Variants in AUTS2 observed in about 807,000 individuals in gnomAD.
AUTS2 encodes the protein activator of transcription and developmental regulator AUTS2.
AUTS2 carries 17 observed loss-of-function variants against 112.4 expected under a neutral mutation model. That is an observed-to-expected ratio of 0.15 (90% CI 0.10 to 0.23). The LOEUF (loss-of-function observed/expected upper bound fraction) is 0.23. AUTS2 is among the 10% of genes least tolerant of loss of function. The pLI is 1.00. For missense variants in AUTS2, 1,510 were observed against 1,701.6 expected, an observed-to-expected ratio of 0.89 and a Z score of 1.98; for synonymous variants, 751 against 702.7, an observed-to-expected ratio of 1.07 and a Z score of -1.09.
At chr7:69,960,773 G>A (rs144191883) in intron 2 of AUTS2, among the ~76,000 whole-genome samples, 57 of 152,070 alleles carry the variant, frequency 3.7e-4, no homozygotes, top group Admixed American at 1.2e-3. Context: ...GTCCCTTTCC[G>A]TGGACCTAAT....
chr7:70,269,821 G>A (rs1485530617), intron 4 of AUTS2, among the ~76,000 whole-genome samples: 3 of 152,090 alleles, frequency 2.0e-5, no homozygotes, highest in African/African-American at 4.8e-5. Flanking sequence ...TAATGTTTGA[G>A]CCCTACTATT....
intron 4 of AUTS2, among the ~76,000 whole-genome samples, chr7:70,284,942 A>C (rs1202788971): frequency 6.6e-6 from 1 of 152,234 alleles, no homozygotes; most frequent in Non-Finnish European, 1.5e-5. Context: ...AGAGAGGTCA[A>C]AAAAGGGCCC....
chr7:70,556,140 G>A (rs1301867700), intron 5 of AUTS2, among the ~76,000 whole-genome samples: 1 of 152,122 alleles, frequency 6.6e-6, no homozygotes, highest in Non-Finnish European at 1.5e-5. Flanking sequence ...GGCAAAGCGG[G>A]GGTAGGCACA....
At chr7:70,281,488 T>C (rs1452263239) in intron 4 of AUTS2, among the ~76,000 whole-genome samples, 1 of 152,186 alleles carries the variant, frequency 6.6e-6, no homozygotes, top group African/African-American at 2.4e-5. Context: ...TTCTTTGTAG[T>C]TAAAGTGATA....
intron 4 of AUTS2, among the ~76,000 whole-genome samples, chr7:70,420,433 G>A (rs377712499): frequency 2.6e-5 from 4 of 152,130 alleles, no homozygotes; most frequent in East Asian, 3.9e-4. Context: ...CATCCATACT[G>A]ATGTCTTAAT....
chr7:69,777,311 T>C (rs2129307757), intron 1 of AUTS2, among the ~76,000 whole-genome samples: 1 of 151,614 alleles, frequency 6.6e-6, no homozygotes, highest in African/African-American at 2.4e-5. Context: ...TCTTAAATAC[T>C]TAGCTTTTCT....
In AUTS2 at chr7:70,790,473, G is replaced by A. The variant is rs1585702636; in HGVS notation, c.3257G>A (p.Arg1086Gln). The change falls in exon 19 of 19, where the codon CGG becomes CAG. Residue 1086 changes from arginine to glutamine, a missense_variant. Arg to Gln is a conservative substitution (Grantham distance 43). Around this residue, in one of 3 missense-constraint regions of AUTS2, gnomAD observed 788 missense variants for 797.6 expected, o/e 0.99. Transcript: ENST00000342771. The surrounding 1 kb of genome is among the most constrained non-coding windows in gnomAD (Gnocchi z 7.6). ...RDPYRELDIH[R>Q]RDPLGRDFLL... is the part of the protein sequence containing the mutation. ...CCTTACCGAGAACTTGACATTCACC[G>A]GAGAGACCCGCTGGGCAGGGACTTC... is the stretch of plus-strand genomic sequence containing the variant. 5 of 1,612,306 alleles carry A rather than the reference G, an allele frequency of 3.1e-6. No homozygotes were observed. The highest frequency in any genetic ancestry group is 1.3e-5 in the African/African-American group (1 of 74,978).
In AUTS2 at chr7:69,643,789, C is replaced by T. The variant is rs193055654; in HGVS notation, c.309+43827C>T. Among the ~76,000 whole-genome samples, 12 of 152,200 alleles carry T rather than the reference C, an allele frequency of 7.9e-5. No homozygotes were observed. The East Asian group carries it at 1.2e-3, about 15-fold the overall frequency. The stretch of plus-strand genomic sequence containing the variant: ...AATTGTATTCTCCACCCCCCAAATT[C>T]GTATGTTGAAGCTCTAACCTCCAAT... On this transcript the variant is annotated intron_variant, in intron 1 of 18. Transcript: ENST00000342771.
In AUTS2 at chr7:69,774,015, A is replaced by G. The variant is rs182798569; in HGVS notation, c.310-125271A>G. Among the ~76,000 whole-genome samples, 6 of 152,336 alleles carry G rather than the reference A, an allele frequency of 3.9e-5. No homozygotes were observed. The East Asian group carries it at 1.2e-3, about 29-fold the overall frequency. On this transcript the variant is annotated intron_variant, in intron 1 of 18. Coordinates refer to ENST00000342771, the MANE Select transcript of AUTS2 (RefSeq NM_015570.4). The stretch of plus-strand genomic sequence containing the variant: ...TTGTCTGCAGCAGGCAATGTGACCC[A>G]GTGCCCTGCTTTTTCCACTCTAGTG...
At chr7:70,261,895 A>G (rs756879008) in intron 4 of AUTS2, among the ~76,000 whole-genome samples, 2 of 152,084 alleles carry the variant, frequency 1.3e-5, no homozygotes, top group African/African-American at 4.8e-5. Flanking sequence ...ATGTCTTTAT[A>G]TTGTCTATTT....
At chr7:70,006,100 C>T (rs954121179) in intron 2 of AUTS2, among the ~76,000 whole-genome samples, 3 of 152,102 alleles carry the variant, frequency 2.0e-5, no homozygotes, top group African/African-American at 7.2e-5. Flanking sequence ...TAGGGTGCCC[C>T]GTCCTCAGAA....
chr7:70,648,386 A>G (rs1188348079), intron 5 of AUTS2, among the ~76,000 whole-genome samples: 1 of 152,092 alleles, frequency 6.6e-6, no homozygotes. Flanking sequence ...GAGGCTTGCC[A>G]TGGTGCTTTC....
chr7:69,908,429 G>A (rs1275707386), intron 2 of AUTS2, among the ~76,000 whole-genome samples: 1 of 152,200 alleles, frequency 6.6e-6, no homozygotes, highest in African/African-American at 2.4e-5. Flanking sequence ...TTACTCTGGG[G>A]CTTTTTACAC....
At chr7:70,772,553 C>A (rs1444273281) in intron 11 of AUTS2, among the ~76,000 whole-genome samples, 1 of 152,166 alleles carries the variant, frequency 6.6e-6, no homozygotes, top group Non-Finnish European at 1.5e-5. Flanking sequence ...CATCTCATGG[C>A]TAAGGTAAAA....
At chr7:69,876,667 A>T (rs1322656956) in intron 1 of AUTS2, among the ~76,000 whole-genome samples, 1 of 150,462 alleles carries the variant, frequency 6.6e-6, no homozygotes, top group Non-Finnish European at 1.5e-5. Flanking sequence ...AGGAGTAGGG[A>T]TAATGATAAC....
intron 5 of AUTS2, among the ~76,000 whole-genome samples, chr7:70,485,162 A>G (rs1324785601): frequency 6.6e-6 from 1 of 152,216 alleles, no homozygotes; most frequent in Non-Finnish European, 1.5e-5. Context: ...AAGTCATATG[A>G]AAAAGACATG....
chr7:69,939,647 ACT>A (rs1382384748), intron 2 of AUTS2, among the ~76,000 whole-genome samples: 1 of 152,150 alleles, frequency 6.6e-6, no homozygotes, highest in Non-Finnish European at 1.5e-5. Flanking sequence ...TTAAAATTAC[ACT>A]CTTGTTAACC....
At chr7:69,715,228 A>T (rs1226492368) in intron 1 of AUTS2, among the ~76,000 whole-genome samples, 2 of 8,008 alleles carry the variant, frequency 2.5e-4, no homozygotes, top group Admixed American at 9.6e-4. Flanking sequence ...AGGCATAAGT[A>T]AAAAAAAAAA....
In AUTS2 at chr7:70,696,020, A is replaced by C. The variant is rs1809074729; in HGVS notation, c.691-2549A>C. On this transcript the variant is annotated intron_variant, in intron 5 of 18. Coordinates refer to ENST00000342771, the MANE Select transcript of AUTS2 (RefSeq NM_015570.4). ...GGCTCGCCGCTTTTCCATTTGAATA[A>C]TAATTTTTTTTAAAAAGCCAGGAAA... 2.0e-5 allele frequency among the ~76,000 whole-genome samples: 3 copies of C among 149,962 alleles called. No individual in the cohort carries two copies. In the Middle Eastern group the frequency reaches 0.01, roughly 514 times the overall value.
Sources: gnomAD v4.1 joint callset for allele counts (sites outside exome capture counted in the v4.1 genomes callset) on GRCh38, gnomAD v4.1.1 for gene constraint, gnomAD v4.1.1 regional missense constraint, Gnocchi (gnomAD v3.1) non-coding constraint, MANE v1.5 for transcripts, NCBI Gene and HGNC (gene_info 2026-07-23, HGNC 2026-07-21) for gene names.